Variants in DNAH14 observed in about 807,000 individuals in gnomAD.
The protein encoded by DNAH14 is dynein axonemal heavy chain 14.
A neutral mutation model predicts 520.9 loss-of-function variants in DNAH14; 478 were observed. The observed-to-expected ratio is 0.92, with a 90% CI of 0.85 to 0.99. The LOEUF (loss-of-function observed/expected upper bound fraction) is 0.99, where lower values mean the gene tolerates loss of function less well. Among genes scored for constraint, DNAH14 ranks in the 50% least tolerant of loss-of-function variants. The probability of loss-of-function intolerance (pLI) is 0.00; values close to 1 mark genes in which losing one functional copy is unlikely to be tolerated. For missense variants in DNAH14, 4,831 were observed against 5,234.5 expected, an observed-to-expected ratio of 0.92 and a Z score of 2.38; for synonymous variants, 1,581 against 1,757.2, an observed-to-expected ratio of 0.90 and a Z score of 2.51.
intron 2 of DNAH14, among the ~76,000 whole-genome samples, chr1:224,953,581 T>C (rs1380865435): frequency 6.6e-6 from 1 of 152,124 alleles, no homozygotes; most frequent in Non-Finnish European, 1.5e-5. Flanking sequence ...CTAAGAAGTG[T>C]GCTGTAGAAA....
Position 225,259,170 on chromosome 1 carries a change from G to A in DNAH14, c.7074G>A (p.Lys2358=). Residue 2358 remains lysine (K), a synonymous_variant, in exon 46 of 86, where the codon AAG becomes AAA. Coordinates refer to ENST00000682510, the MANE Select transcript of DNAH14 (RefSeq NM_001367479.1). ...KTAAINQMLE[K]LEGPGAFDIK... ...CTGCCATTAATCAAATGCTTGAAAA[G>A]CTAGAGGGTCCAGGAGCATTTGACA... 1 of 1,546,876 alleles carries A rather than the reference G, an allele frequency of 6.5e-7. No individual in the cohort carries two copies. The highest frequency in any genetic ancestry group is 1.2e-5 in the South Asian group (1 of 83,036).
chr1:225,141,289 AT>A (rs1458695737), intron 28 of DNAH14, among the ~76,000 whole-genome samples: 1 of 152,092 alleles, frequency 6.6e-6, no homozygotes, highest in African/African-American at 2.4e-5. Flanking sequence ...TCACATTCAC[AT>A]AACATGTGAA....
chr1:224,936,791 C>T (rs12567091), intron 1 of DNAH14, among the ~76,000 whole-genome samples: 8,365 of 151,930 alleles, frequency 0.055, 469 homozygotes, highest in East Asian at 0.24. Flanking sequence ...GCAAGTATCA[C>T]TGATGAAGAT....
chr1:225,308,284 G>A lies in DNAH14; in HGVS notation c.9115-1G>A. The A allele has an allele frequency of 1.3e-6, 2 of 1,534,454 alleles. No homozygotes were observed. Among genetic ancestry groups the A allele is most frequent in the South Asian group, 1.3e-5 (1 of 79,050 alleles). ...CTAAGAACAATTATGTGCTTCATTA[G>A]GAAACAGAAACTCTAATGGAAAAAC... On this transcript the variant is annotated splice_acceptor_variant, in intron 59 of 85. Coordinates refer to ENST00000682510, the MANE Select transcript of DNAH14 (RefSeq NM_001367479.1). LOFTEE classifies it high-confidence loss of function.
intron 8 of DNAH14, among the ~76,000 whole-genome samples, chr1:224,999,168 A>T (rs542130985): frequency 2.6e-5 from 4 of 152,246 alleles, no homozygotes; most frequent in African/African-American, 9.6e-5. Context: ...TCTTACAGAC[A>T]GCATATAGTT....
At chr1:225,255,423 TAC>T (rs1160708911) in intron 44 of DNAH14, among the ~76,000 whole-genome samples, 1 of 152,176 alleles carries the variant, frequency 6.6e-6, no homozygotes, top group Non-Finnish European at 1.5e-5. Context: ...CTTTCTCACA[TAC>T]ACACACACGT....
At chr1:225,113,881 A>C (rs891990419) in intron 23 of DNAH14, among the ~76,000 whole-genome samples, 3 of 151,586 alleles carry the variant, frequency 2.0e-5, no homozygotes, top group African/African-American at 7.3e-5. Context: ...AGGGTAATGG[A>C]CTCCATTCTA....
intron 2 of DNAH14, among the ~76,000 whole-genome samples, chr1:224,954,226 A>G (rs2060360937): frequency 6.6e-6 from 1 of 152,154 alleles, no homozygotes; most frequent in Non-Finnish European, 1.5e-5. Context: ...TTTAAGAATA[A>G]TACCTAATAA....
Position 224,950,191 on chromosome 1 carries a change from C to T in DNAH14, c.-33-2479C>T, listed in dbSNP as rs534249148. Among the ~76,000 whole-genome samples the T allele has an allele frequency of 6.6e-4, 101 of 152,138 alleles. 1 individual carries two copies. Among genetic ancestry groups the T allele is most frequent in the African/African-American group, 2.3e-3 (97 of 41,520 alleles). ...AAAATTTTGTTCTGTGTTCATAAGTCCCTTCGTTGTTTTGACTTAGTTCTG... is the reference window on the plus strand; with the variant it reads ...AAAATTTTGTTCTGTGTTCATAAGTTCCTTCGTTGTTTTGACTTAGTTCTG... On this transcript the variant is annotated intron_variant, in intron 1 of 85. Coordinates refer to ENST00000682510, the MANE Select transcript of DNAH14 (RefSeq NM_001367479.1).
chr1:225,276,936 G>A (rs2093481654), intron 53 of DNAH14, among the ~76,000 whole-genome samples: 2 of 107,026 alleles, frequency 1.9e-5, no homozygotes, highest in Non-Finnish European at 3.6e-5. Flanking sequence ...AAAATAAGAA[G>A]AAGAAAAAGG....
At chr1:225,391,134 T>C (rs1312325883) in intron 83 of DNAH14, among the ~76,000 whole-genome samples, 1 of 152,136 alleles carries the variant, frequency 6.6e-6, no homozygotes, top group Non-Finnish European at 1.5e-5. Flanking sequence ...CGCTGCAAAG[T>C]TGGGCACGGC....
intron 21 of DNAH14, among the ~76,000 whole-genome samples, chr1:225,090,112 C>G (rs1473615174): frequency 6.6e-6 from 1 of 152,092 alleles, no homozygotes; most frequent in Non-Finnish European, 1.5e-5. Flanking sequence ...TTGCAGGATA[C>G]ATGATTAGTA....
In DNAH14 at chr1:225,153,806, G is replaced by A. The variant is rs2080753091; in HGVS notation, c.5253G>A (p.Thr1751=). The A allele has an allele frequency of 6.5e-6, 10 of 1,549,762 alleles. No individual in the cohort carries two copies. Among genetic ancestry groups the A allele is most frequent in the African/African-American group, 2.7e-5 (2 of 72,922 alleles). Residue 1751 remains threonine (T), a synonymous_variant, in exon 34 of 86, where the codon ACG becomes ACA. Coordinates refer to ENST00000682510, the MANE Select transcript of DNAH14 (RefSeq NM_001367479.1). ...SLKIVLIMAG[T]KKREFKCDTS... is the part of the protein sequence containing the mutation. ...AGATAGTTTTAATAATGGCTGGAACGAAGAAACGGGAGTTTAAATGGTCAG... is the reference window on the plus strand; with the variant it reads ...AGATAGTTTTAATAATGGCTGGAACAAAGAAACGGGAGTTTAAATGGTCAG...
chr1:225,327,487 G>A (rs2094701964), intron 64 of DNAH14, among the ~76,000 whole-genome samples: 1 of 152,010 alleles, frequency 6.6e-6, no homozygotes. Context: ...AACAGCCAGT[G>A]GGTCACAGAA....
chr1:225,177,447 G>A (rs780209160), intron 36 of DNAH14, among the ~76,000 whole-genome samples: 7 of 152,180 alleles, frequency 4.6e-5, no homozygotes, highest in Non-Finnish European at 7.3e-5. Flanking sequence ...AAGTAATGAG[G>A]ATCCAAATGT....
At chr1:225,281,652 C>A (rs1401950209) in intron 54 of DNAH14, among the ~76,000 whole-genome samples, 1 of 151,878 alleles carries the variant, frequency 6.6e-6, no homozygotes, top group East Asian at 1.9e-4. Context: ...AATGATAATT[C>A]TAAAACTATT....
Position 225,273,114 on chromosome 1 carries a change from A to C in DNAH14, c.7999A>C (p.Asn2667His). ...TCGGTTGCTTTCAAGGGAACTTGAGAACTGTTTTCAGGTAAATTTATATTT... is the reference window on the plus strand; with the variant it reads ...TCGGTTGCTTTCAAGGGAACTTGAGCACTGTTTTCAGGTAAATTTATATTT... ...FYRLLSRELENCFQIQWTQEN... is the reference protein window; with the variant it reads ...FYRLLSRELEHCFQIQWTQEN... Residue 2667 changes from asparagine to histidine, a missense_variant, in exon 52 of 86, where the codon AAC becomes CAC. Asn to His is a moderately conservative substitution (Grantham distance 68). Transcript: ENST00000682510. The C allele has an allele frequency of 6.5e-7, 1 of 1,549,198 alleles. No individual in the cohort carries two copies. Among genetic ancestry groups the C allele is most frequent in the Non-Finnish European group, 8.7e-7 (1 of 1,146,418 alleles).
intron 54 of DNAH14, among the ~76,000 whole-genome samples, chr1:225,286,237 G>T (rs2093739339): frequency 6.6e-6 from 1 of 152,126 alleles, no homozygotes; most frequent in East Asian, 1.9e-4. Context: ...GTGTTTTGCA[G>T]CACTGTAGGC....
At chr1:225,048,643 A>C (rs1223127711) in intron 15 of DNAH14, among the ~76,000 whole-genome samples, 1 of 152,236 alleles carries the variant, frequency 6.6e-6, no homozygotes, top group African/African-American at 2.4e-5. Flanking sequence ...AGTTTGGGGA[A>C]ATTATATATA....
Sources: allele counts gnomAD v4.1 joint callset (sites outside exome capture counted in the v4.1 genomes callset), GRCh38; gene constraint gnomAD v4.1.1; transcripts MANE v1.5; gene names NCBI Gene and HGNC (gene_info 2026-07-23, HGNC 2026-07-21).